Variants in ODAD2 observed in about 807,000 individuals in gnomAD.
ODAD2 encodes outer dynein arm-docking complex subunit 2.
Under a neutral mutation model 106.8 loss-of-function variants are expected in ODAD2, and 89 were observed. That is an observed-to-expected ratio of 0.83 (90% confidence interval 0.70 to 0.99). The LOEUF (loss-of-function observed/expected upper bound fraction) is 0.99. Among genes scored for constraint, ODAD2 ranks in the 50% least tolerant of loss-of-function variants. The pLI is 0.00. For synonymous variants in ODAD2, 404 were observed against 436.2 expected, an observed-to-expected ratio of 0.93 and a Z score of 0.92; for missense variants, 1,168 against 1,238.5, an observed-to-expected ratio of 0.94 and a Z score of 0.85.
chr10:27,820,228 C>T (rs1295021570), intron 19 of ODAD2, among the ~76,000 whole-genome samples: 1 of 152,090 alleles, frequency 6.6e-6, no homozygotes, highest in Non-Finnish European at 1.5e-5. Context: ...CTGCTGCCAC[C>T]CTGTACGGCT....
intron 17 of ODAD2, among the ~76,000 whole-genome samples, chr10:27,878,597 A>G (rs1841502772): frequency 6.6e-6 from 1 of 152,198 alleles, no homozygotes; most frequent in African/African-American, 2.4e-5. Flanking sequence ...CACAGGATGC[A>G]TAATATAGTA....
chr10:27,920,093 C>CA lies in ODAD2; in HGVS notation c.2496-12317dup, dbSNP rs112900658. On this transcript the variant is annotated intron_variant, in intron 16 of 19. Transcript: ENST00000305242. ...GCAAGGTCCTAATTACCATAAAAGG[C>CA]AAAAAAAAAAGAGATATCCCCAGAG... 3.8e-3 allele frequency among the ~76,000 whole-genome samples: 559 copies of CA among 145,836 alleles called. 2 individuals carry two copies. The highest frequency in any genetic ancestry group is 0.012 in the African/African-American group (469 of 40,276).
intron 16 of ODAD2, among the ~76,000 whole-genome samples, chr10:27,916,642 C>T (rs539249568): frequency 1.6e-4 from 24 of 152,152 alleles, no homozygotes; most frequent in African/African-American, 5.1e-4. Flanking sequence ...AGATTCACTT[C>T]CACTTAATGA....
intron 16 of ODAD2, among the ~76,000 whole-genome samples, chr10:27,927,757 G>A (rs1015087052): frequency 6.6e-6 from 1 of 151,930 alleles, no homozygotes; most frequent in Admixed American, 6.6e-5. Flanking sequence ...TCAACTCTCT[G>A]GCTGATGCCT....
intron 16 of ODAD2, among the ~76,000 whole-genome samples, chr10:27,925,007 C>T (rs1046437450): frequency 1.3e-5 from 2 of 150,152 alleles, no homozygotes; most frequent in African/African-American, 2.4e-5. Context: ...AAAAAAATCC[C>T]GATTCCTTTT....
chr10:27,994,547 T>C (rs1278621958), intron 2 of ODAD2, among the ~76,000 whole-genome samples: 3 of 151,958 alleles, frequency 2.0e-5, no homozygotes, highest in Non-Finnish European at 4.4e-5. Flanking sequence ...CTGGGCAACA[T>C]AGTGAGACCT....
intron 19 of ODAD2, among the ~76,000 whole-genome samples, chr10:27,837,868 A>C (rs940658678): frequency 3.3e-5 from 5 of 152,198 alleles, no homozygotes; most frequent in African/African-American, 9.7e-5. Flanking sequence ...TTCTGACTGA[A>C]ATCTGCATAA....
At chr10:27,857,095 C>T (rs1229082795) in intron 19 of ODAD2, among the ~76,000 whole-genome samples, 1 of 152,116 alleles carries the variant, frequency 6.6e-6, no homozygotes, top group African/African-American at 2.4e-5. Flanking sequence ...CTGCACGAGT[C>T]CACTTATATG....
intron 19 of ODAD2, among the ~76,000 whole-genome samples, chr10:27,827,252 A>ATTT (rs1160035202): frequency 6.6e-6 from 1 of 151,252 alleles, no homozygotes; most frequent in Non-Finnish European, 1.5e-5. Context: ...CTTCAACCTC[A>ATTT]TTTTTTTGTC....
intron 17 of ODAD2, among the ~76,000 whole-genome samples, chr10:27,870,030 T>C (rs1180370989): frequency 6.6e-6 from 1 of 152,114 alleles, no homozygotes; most frequent in African/African-American, 2.4e-5. Context: ...TAAAATTTTA[T>C]AAACATGGGA....
intron 19 of ODAD2, among the ~76,000 whole-genome samples, chr10:27,834,237 G>A (rs983825402): frequency 2.0e-5 from 3 of 152,126 alleles, no homozygotes; most frequent in Non-Finnish European, 2.9e-5. Context: ...TTTCCCTGGC[G>A]TAACATTATA....
At chr10:27,823,858 AGGCCGGGCGCGGTGGCTC>A in intron 19 of ODAD2, among the ~76,000 whole-genome samples, 1 of 147,328 alleles carries the variant, frequency 6.8e-6, no homozygotes, top group Admixed American at 6.7e-5. Flanking sequence ...AAAATAGTTC[AGGCCGGGCGCGGTGGCTC>A]ACGCCTGTAA....
At chr10:27,865,314 C>T (rs1222112095) in intron 17 of ODAD2, among the ~76,000 whole-genome samples, 1 of 152,198 alleles carries the variant, frequency 6.6e-6, no homozygotes, top group South Asian at 2.1e-4. Context: ...TTTTTAAAAA[C>T]TCTCCAGCCA....
chr10:27,875,035 T>C (rs984364268), intron 17 of ODAD2, among the ~76,000 whole-genome samples: 2 of 152,350 alleles, frequency 1.3e-5, no homozygotes, highest in Admixed American at 1.3e-4. Flanking sequence ...CCCATATTTC[T>C]TGGAGGCTTT....
chr10:27,832,948 C>T (rs1303842713), intron 19 of ODAD2, among the ~76,000 whole-genome samples: 2 of 151,998 alleles, frequency 1.3e-5, no homozygotes, highest in African/African-American at 4.8e-5. Context: ...TTAGTAAAGT[C>T]GAAGGATATA....
At chr10:27,993,970 ATATATG>A (rs1463705352) in intron 2 of ODAD2, among the ~76,000 whole-genome samples, 1 of 108,442 alleles carries the variant, frequency 9.2e-6, no homozygotes, top group African/African-American at 3.1e-5. Flanking sequence ...ATATATATAT[ATATATG>A]TGTGTGTGTG....
intron 8 of ODAD2, 84 bp from the exon 9 acceptor site, chr10:27,969,102 T>G: frequency 1.6e-6 from 1 of 613,098 alleles, no homozygotes; most frequent in South Asian, 1.9e-5. Context: ...AGATATATAC[T>G]CCGTTATTTC....
rs368079133 is a variant in ODAD2 at position 27,855,968 on chromosome 10, G to A, written c.3021+4657C>T. Among the ~76,000 whole-genome samples, 16 of 152,124 alleles carry A rather than the reference G, an allele frequency of 1.1e-4. No homozygotes were observed. The East Asian group carries it at 2.1e-3, about 20-fold the overall frequency. ...AAGAAGCTTGATGCCTTTAATAGGT[G>A]CTCATCAGTCTTCTAGTTGATCACT... is the stretch of plus-strand genomic sequence containing the variant. On this transcript the variant is annotated intron_variant, in intron 19 of 19. Coordinates refer to ENST00000305242, the MANE Select transcript of ODAD2 (RefSeq NM_018076.5).
chr10:27,870,889 C>A (rs1840824881), intron 17 of ODAD2, among the ~76,000 whole-genome samples: 1 of 152,184 alleles, frequency 6.6e-6, no homozygotes, highest in Non-Finnish European at 1.5e-5. Context: ...ATGGCTGGGT[C>A]AAATGGTATT....
Sources: gnomAD v4.1 joint callset for allele counts (sites outside exome capture counted in the v4.1 genomes callset) on GRCh38, gnomAD v4.1.1 for gene constraint, MANE v1.5 for transcripts, NCBI Gene and HGNC (gene_info 2026-07-23, HGNC 2026-07-21) for gene names.